Variants in DIAPH3 observed in about 807,000 individuals in gnomAD.
DIAPH3 encodes diaphanous related formin 3.
Under a neutral mutation model 144.3 loss-of-function variants are expected in DIAPH3, and 117 were observed. The observed-to-expected ratio is 0.81, with a 90% CI of 0.70 to 0.95. DIAPH3 has a LOEUF of 0.95. Among genes scored for constraint, DIAPH3 ranks in the 40% least tolerant of loss-of-function variants. The pLI is 0.00. For missense variants in DIAPH3, 1,421 were observed against 1,412.7 expected (o/e 1.01, Z -0.09); for synonymous variants, 519 against 488.9 (o/e 1.06, Z -0.81).
chr13:59,990,069 A>C (rs565533594), intron 12 of DIAPH3, among the ~76,000 whole-genome samples: 1 of 151,906 alleles, frequency 6.6e-6, no homozygotes, highest in Non-Finnish European at 1.5e-5. Context: ...AGCAATTCTT[A>C]ATCTAGCATT....
At chr13:59,880,818 C>T (rs1038279966) in intron 20 of DIAPH3, among the ~76,000 whole-genome samples, 1 of 151,542 alleles carries the variant, frequency 6.6e-6, no homozygotes, top group Admixed American at 6.6e-5. Flanking sequence ...GCTTTCTCCC[C>T]AGACCCTTGC....
At chr13:59,931,137 G>A (rs76038086) in intron 17 of DIAPH3, among the ~76,000 whole-genome samples, 5,552 of 152,218 alleles carry the variant, frequency 0.036, 134 homozygotes, top group East Asian at 0.074. Context: ...CTATTTTCAA[G>A]TCAAACGCTT....
chr13:60,052,990 A>C (rs1259281184), intron 4 of DIAPH3, among the ~76,000 whole-genome samples: 2 of 148,832 alleles, frequency 1.3e-5, no homozygotes, highest in African/African-American at 4.9e-5. Flanking sequence ...AGAAATAATA[A>C]TAAGAAAGAA....
chr13:60,067,772 T>C (rs1279037888), intron 4 of DIAPH3, among the ~76,000 whole-genome samples: 1 of 152,166 alleles, frequency 6.6e-6, no homozygotes, highest in Non-Finnish European at 1.5e-5. Flanking sequence ...ATTTATCTGA[T>C]TTTTTTCATA....
Position 60,079,664 on chromosome 13 carries a change from G to GA in DIAPH3, c.495+13963dup, listed in dbSNP as rs199710068. ...TGTCTTATGGGCATGTCTTATGTGG[G>GA]AAAAAAAAAGTAAGAGCCACTCCTA... On this transcript the variant is annotated intron_variant, in intron 4 of 27. Transcript: ENST00000400324. Among the ~76,000 whole-genome samples, 804 of 149,568 alleles carry GA rather than the reference G, an allele frequency of 5.4e-3. 2 individuals are homozygous for GA. The highest frequency in any genetic ancestry group is 7.7e-3 in the Admixed American group (116 of 14,976).
chr13:59,731,574 C>T (rs537068177), intron 27 of DIAPH3, among the ~76,000 whole-genome samples: 2 of 152,228 alleles, frequency 1.3e-5, no homozygotes, highest in Admixed American at 6.5e-5. Context: ...ACATTTTGAC[C>T]TGTAAATTGT....
At chr13:60,131,313 G>A (rs1276041823) in intron 2 of DIAPH3, among the ~76,000 whole-genome samples, 2 of 151,080 alleles carry the variant, frequency 1.3e-5, no homozygotes, top group Non-Finnish European at 2.9e-5. Context: ...GTGCATGCCT[G>A]TAATCCCCGC....
At chr13:59,778,643 T>C (rs1355858683) in intron 25 of DIAPH3, among the ~76,000 whole-genome samples, 2 of 152,252 alleles carry the variant, frequency 1.3e-5, no homozygotes, top group Non-Finnish European at 2.9e-5. Flanking sequence ...ATCTATTTAG[T>C]TGTCAAATAC....
At chr13:60,139,216 T>C (rs2059372331) in intron 1 of DIAPH3, among the ~76,000 whole-genome samples, 1 of 152,190 alleles carries the variant, frequency 6.6e-6, no homozygotes, top group South Asian at 2.1e-4. Context: ...AAAATAATAC[T>C]GAAGCTTTCA....
At chr13:59,879,648 C>T (rs1719595169) in intron 20 of DIAPH3, among the ~76,000 whole-genome samples, 180 bp from the exon 21 acceptor site, 1 of 152,074 alleles carries the variant, frequency 6.6e-6, no homozygotes, top group South Asian at 2.1e-4. Flanking sequence ...AATCCAGAGT[C>T]ATCCCTCAAA....
chr13:59,906,897 T>C (rs1413917118), intron 20 of DIAPH3, among the ~76,000 whole-genome samples: 9 of 152,192 alleles, frequency 5.9e-5, no homozygotes, highest in Non-Finnish European at 1.3e-4. Context: ...AGCATGCCAC[T>C]GTGAACACAG....
chr13:59,902,734 C>T (rs536949990), intron 20 of DIAPH3, among the ~76,000 whole-genome samples: 1 of 152,174 alleles, frequency 6.6e-6, no homozygotes, highest in South Asian at 2.1e-4. Context: ...CAAGATTGTG[C>T]CACTGTACTT....
At chr13:59,884,320 T>C (rs1310750841) in intron 20 of DIAPH3, among the ~76,000 whole-genome samples, 4 of 152,168 alleles carry the variant, frequency 2.6e-5, no homozygotes, top group Non-Finnish European at 5.9e-5. Context: ...TGGTGAGTTG[T>C]ATAATTATTT....
intron 16 of DIAPH3, among the ~76,000 whole-genome samples, chr13:59,970,378 GCATTTTC>G (rs1425739941): frequency 6.6e-6 from 1 of 152,092 alleles, no homozygotes; most frequent in Non-Finnish European, 1.5e-5. Flanking sequence ...ACATTATACA[GCATTTTC>G]CATGTTTCTG....
At chr13:59,756,883 A>G (rs1463391682) in intron 27 of DIAPH3, among the ~76,000 whole-genome samples, 2 of 152,238 alleles carry the variant, frequency 1.3e-5, no homozygotes, top group African/African-American at 4.8e-5. Flanking sequence ...GCAGCATTGA[A>G]AAATCATCAC....
intron 21 of DIAPH3, among the ~76,000 whole-genome samples, chr13:59,873,677 C>CTTTTTTT (rs57461813): frequency 7.8e-5 from 10 of 128,914 alleles, no homozygotes; most frequent in Non-Finnish European, 6.5e-5. Flanking sequence ...ACCACTTTTT[C>CTTTTTTT]TTTTTTTTTT....
At chr13:59,899,787 T>C (rs1206858382) in intron 20 of DIAPH3, among the ~76,000 whole-genome samples, 1 of 152,196 alleles carries the variant, frequency 6.6e-6, no homozygotes, top group African/African-American at 2.4e-5. Context: ...ATGCACGTGA[T>C]ATAAAACACA....
chr13:59,692,355 T>C (rs1456884747), intron 27 of DIAPH3, among the ~76,000 whole-genome samples: 1 of 151,926 alleles, frequency 6.6e-6, no homozygotes, highest in Non-Finnish European at 1.5e-5. Context: ...TTTCTAGTTG[T>C]ATCCCTTTTT....
chr13:59,696,127 T>C (rs1265195307), intron 27 of DIAPH3: 1 of 152,198 alleles, frequency 6.6e-6, no homozygotes, highest in African/African-American at 2.4e-5. Flanking sequence ...TCCCATTCAC[T>C]AGCTTCTATT....
Sources: gnomAD v4.1 joint callset for allele counts (sites outside exome capture counted in the v4.1 genomes callset) on GRCh38, gnomAD v4.1.1 for gene constraint, MANE v1.5 for transcripts, NCBI Gene and HGNC (gene_info 2026-07-23, HGNC 2026-07-21) for gene names.